XKR9: variants seen among roughly 807,000 people sequenced by gnomAD.
XKR9 encodes XK related 9.
In XKR9, 32 loss-of-function variants were observed where a neutral mutation model predicts 32.0. The ratio of observed to expected loss-of-function variants is 1.00; its 90% CI spans 0.76 to 1.34. XKR9 has a LOEUF of 1.34. Ranked by LOEUF, XKR9 falls within the 40% of genes most tolerant of loss-of-function variation. The pLI is 0.00. For synonymous variants in XKR9, 168 were observed against 143.4 expected, an observed-to-expected ratio of 1.17 and a Z score of -1.22; for missense variants, 546 against 429.7, an observed-to-expected ratio of 1.27 and a Z score of -2.39.
chr8:70,676,174 G>A (rs1174004291), intron 2 of XKR9, among the ~76,000 whole-genome samples: 9 of 152,036 alleles, frequency 5.9e-5, no homozygotes. Flanking sequence ...GAGAGCAGGA[G>A]CAAAAAAGAG....
chr8:70,693,201 T>A (rs1805141717), intron 3 of XKR9, among the ~76,000 whole-genome samples: 1 of 152,210 alleles, frequency 6.6e-6, no homozygotes, highest in African/African-American at 2.4e-5. Flanking sequence ...CAGTGCAGAT[T>A]GAGTGTAGTC....
At chr8:70,832,313 GTTTTC>G in the XKR9 span, among the ~76,000 whole-genome samples, 4 of 152,112 alleles carry the variant, frequency 2.6e-5, no homozygotes, top group Non-Finnish European at 5.9e-5. Context: ...GGACATTGAA[GTTTTC>G]TTTTCTTTCT....
At chr8:70,690,471 C>G (rs1819474185) in intron 3 of XKR9, among the ~76,000 whole-genome samples, 1 of 151,408 alleles carries the variant, frequency 6.6e-6, no homozygotes, top group African/African-American at 2.4e-5. Context: ...GTAGCTGGGA[C>G]TACAGGCACA....
At chr8:71,057,681 A>G in the XKR9 span, among the ~76,000 whole-genome samples, 3,678 of 152,248 alleles carry the variant, frequency 0.024, 129 homozygotes, top group Admixed American at 0.1. Flanking sequence ...CACTCTGAGA[A>G]TTGTTCCTGG....
At chr8:70,763,016 C>T (rs974912512) in intron 2 of XKR9, among the ~76,000 whole-genome samples, 1 of 151,944 alleles carries the variant, frequency 6.6e-6, no homozygotes, top group Non-Finnish European at 1.5e-5. Flanking sequence ...GTGACCAGAT[C>T]CTGAATAATT....
the XKR9 span, among the ~76,000 whole-genome samples, chr8:70,940,104 C>T: frequency 1.8e-4 from 27 of 151,970 alleles, no homozygotes; most frequent in South Asian, 5.6e-3. Context: ...AGGAGGCACC[C>T]TAGGTTCTGT....
the XKR9 span, among the ~76,000 whole-genome samples, chr8:70,895,911 G>A: frequency 0.041 from 6,278 of 152,208 alleles, 187 homozygotes; most frequent in South Asian, 0.091. Flanking sequence ...GCGGTGTTGA[G>A]GCAAGAGGAT....
At chr8:70,741,919 A>T (rs1029115736) in intron 2 of XKR9, among the ~76,000 whole-genome samples, 2 of 151,710 alleles carry the variant, frequency 1.3e-5, no homozygotes, top group East Asian at 1.9e-4. Context: ...AACATTGCAT[A>T]AATGCCCCAG....
chr8:70,794,823 T>G (rs1173710101), downstream of XKR9, among the ~76,000 whole-genome samples: 34 of 147,692 alleles, frequency 2.3e-4, no homozygotes, highest in African/African-American at 8.2e-4. Flanking sequence ...TAGTCTTCTT[T>G]TGTGTGTGTG....
At chr8:70,859,009 T>A in the XKR9 span, among the ~76,000 whole-genome samples, 5 of 151,920 alleles carry the variant, frequency 3.3e-5, no homozygotes, top group African/African-American at 1.2e-4. Context: ...ACAAATAGGA[T>A]GACATCAAGC....
At chr8:70,868,071 A>G in the XKR9 span, among the ~76,000 whole-genome samples, 4 of 152,202 alleles carry the variant, frequency 2.6e-5, no homozygotes, top group African/African-American at 9.6e-5. Flanking sequence ...GCGGGCTCCC[A>G]TGGCCTTGAG....
chr8:70,919,392 T>TAGTAAC, the XKR9 span, among the ~76,000 whole-genome samples: 91 of 152,302 alleles, frequency 6.0e-4, 1 homozygote, highest in African/African-American at 2.1e-3. Flanking sequence ...TTTGCTCTCC[T>TAGTAAC]AGTAACAGTT....
At chr8:70,744,419 A>G (rs1807029620) in intron 2 of XKR9, among the ~76,000 whole-genome samples, 2 of 152,154 alleles carry the variant, frequency 1.3e-5, no homozygotes, top group Admixed American at 6.5e-5. Flanking sequence ...ACTGCAATAT[A>G]GATATTATTA....
At chr8:70,883,655 T>A in the XKR9 span, among the ~76,000 whole-genome samples, 1 of 152,188 alleles carries the variant, frequency 6.6e-6, no homozygotes, top group Non-Finnish European at 1.5e-5. Flanking sequence ...CTTTTCAGAT[T>A]GGCTTCTTTC....
the XKR9 span, among the ~76,000 whole-genome samples, chr8:70,852,391 G>T: frequency 6.6e-6 from 1 of 152,124 alleles, no homozygotes; most frequent in African/African-American, 2.4e-5. Flanking sequence ...CAAGGATCTA[G>T]AACTAGAAAT....
At chr8:70,894,231 A>G in the XKR9 span, among the ~76,000 whole-genome samples, 1 of 151,722 alleles carries the variant, frequency 6.6e-6, no homozygotes, top group African/African-American at 2.4e-5. Context: ...AGTATACTAG[A>G]TTCGGTGAGA....
the XKR9 span, among the ~76,000 whole-genome samples, chr8:70,956,906 A>G: frequency 2.0e-5 from 3 of 152,140 alleles, no homozygotes; most frequent in African/African-American, 7.2e-5. Context: ...GTCTGGAGCC[A>G]TGTTTGGATG....
the XKR9 span, among the ~76,000 whole-genome samples, chr8:70,805,935 C>T: frequency 9.1e-3 from 1,385 of 152,250 alleles, 21 homozygotes; most frequent in Middle Eastern, 0.01. Context: ...TCCTGTTCCC[C>T]GTGCCACCAA....
chr8:70,866,601 A>ATTT, the XKR9 span, among the ~76,000 whole-genome samples: 4 of 146,906 alleles, frequency 2.7e-5, no homozygotes, highest in African/African-American at 9.9e-5. Context: ...AACTAATGGA[A>ATTT]TTTTTTTTTT....
Sources: gnomAD v4.1 joint callset for allele counts (sites outside exome capture counted in the v4.1 genomes callset) on GRCh38, gnomAD v4.1.1 for gene constraint, MANE v1.5 for transcripts, NCBI Gene and HGNC (gene_info 2026-07-23, HGNC 2026-07-21) for gene names.